The following NINL variants were observed in gnomAD, a reference collection of about 807,000 sequenced individuals.
The protein encoded by NINL is ninein-like protein.
Under a neutral mutation model 160.3 loss-of-function variants are expected in NINL, and 153 were observed. The observed-to-expected ratio is 0.95, with a 90% CI of 0.84 to 1.09. The LOEUF (loss-of-function observed/expected upper bound fraction) is 1.09. Ranked by LOEUF, NINL falls within the 50% of genes least tolerant of loss-of-function variation. The pLI is 0.00. For missense variants in NINL, 1,829 were observed against 1,764.0 expected (o/e 1.04, Z -0.66); for synonymous variants, 800 against 734.8 (o/e 1.09, Z -1.43).
At chr20:25,560,970 C>T (rs2064926521) in intron 1 of NINL, among the ~76,000 whole-genome samples, 1 of 151,688 alleles carries the variant, frequency 6.6e-6, no homozygotes, top group Non-Finnish European at 1.5e-5. Context: ...CTCCCTCTCC[C>T]TCTCCCTCTC....
chr20:25,474,560 T>C (rs1210008945), intron 17 of NINL, among the ~76,000 whole-genome samples: 1 of 152,130 alleles, frequency 6.6e-6, no homozygotes, highest in Non-Finnish European at 1.5e-5. Flanking sequence ...TTTAAGATAC[T>C]TTTCAGATAA....
intron 13 of NINL, among the ~76,000 whole-genome samples, chr20:25,488,223 C>A (rs2063543861): frequency 1.3e-5 from 2 of 152,158 alleles, no homozygotes; most frequent in South Asian, 2.1e-4. Context: ...CTTCCTTGCG[C>A]TCATTCTCTT....
intron 7 of NINL, among the ~76,000 whole-genome samples, chr20:25,503,718 A>G (rs982318301): frequency 6.6e-6 from 1 of 152,174 alleles, no homozygotes; most frequent in African/African-American, 2.4e-5. Context: ...TGGAGAAGGT[A>G]ACTCCCCTAG....
At chr20:25,467,305 T>C (rs1392233495) in intron 19 of NINL, 84 bp downstream of exon 19, 1 of 1,199,412 alleles carries the variant, frequency 8.3e-7, no homozygotes, top group Non-Finnish European at 1.2e-6. Context: ...ATTCTCTACT[T>C]CCTTTTGTAA....
intron 16 of NINL, among the ~76,000 whole-genome samples, chr20:25,478,677 G>A (rs992831960): frequency 6.6e-6 from 1 of 152,178 alleles, no homozygotes; most frequent in Non-Finnish European, 1.5e-5. Flanking sequence ...GAGGCAGAGG[G>A]TACAGAACAC....
intron 1 of NINL, among the ~76,000 whole-genome samples, chr20:25,534,121 A>G (rs1364527051): frequency 6.6e-6 from 1 of 152,156 alleles, no homozygotes; most frequent in Non-Finnish European, 1.5e-5. Context: ...TTCTCACCAG[A>G]CACCTGCACG....
At chr20:25,516,858 ACAGTGCACACACAAGGGCC>A (rs2064169511) in intron 3 of NINL, among the ~76,000 whole-genome samples, 2 of 152,136 alleles carry the variant, frequency 1.3e-5, no homozygotes, top group South Asian at 4.1e-4. Flanking sequence ...GGGTCTGGCA[ACAGTGCACACACAAGGGCC>A]CAGGACTTCA....
intron 3 of NINL, among the ~76,000 whole-genome samples, chr20:25,514,909 G>A (rs542911178): frequency 5.6e-4 from 85 of 152,354 alleles, no homozygotes; most frequent in African/African-American, 2.0e-3. Context: ...GATTTCAGAG[G>A]ATATATGAAG....
intron 3 of NINL, 151 bp from the exon 4 acceptor site, chr20:25,513,157 C>T: frequency 1.4e-6 from 1 of 698,462 alleles, no homozygotes. Flanking sequence ...TCTGGAAAGA[C>T]ACGAGAAACA....
At chr20:25,568,232 C>CAA (rs11483743) in intron 1 of NINL, among the ~76,000 whole-genome samples, 29 of 143,866 alleles carry the variant, frequency 2.0e-4, no homozygotes, top group South Asian at 4.4e-4. Context: ...TGTCAGATCT[C>CAA]AAAAAAAAAA....
chr20:25,484,128 A>AG (rs2063458641), intron 13 of NINL, among the ~76,000 whole-genome samples: 1 of 152,270 alleles, frequency 6.6e-6, no homozygotes, highest in South Asian at 2.1e-4. Flanking sequence ...CAATATACCC[A>AG]GGTAACAAAC....
intron 18 of NINL, among the ~76,000 whole-genome samples, chr20:25,469,776 G>A (rs574791219): frequency 3.0e-4 from 45 of 152,290 alleles, no homozygotes; most frequent in African/African-American, 1.1e-3. Flanking sequence ...CCAAGGAGCT[G>A]GGGCGTTCAG....
chr20:25,564,684 C>G (rs1016419129), intron 1 of NINL, among the ~76,000 whole-genome samples: 1 of 151,516 alleles, frequency 6.6e-6, no homozygotes, highest in African/African-American at 2.4e-5. Flanking sequence ...AACTCCTGAC[C>G]TCAAGTGATC....
At position 25,476,720 on chromosome 20, in the gene NINL, T is replaced by G. The variant is rs2063257220; in HGVS notation, c.2571A>C (p.Pro857=). 1 of 1,601,888 alleles carries G rather than the reference T, an allele frequency of 6.2e-7. No individual in the cohort carries two copies. The highest frequency in any genetic ancestry group is 8.5e-7 in the Non-Finnish European group (1 of 1,177,936). Reference sequence around the variant, plus strand: ...CATCACCTGGGGCCAGCCAGGCCAGTGGCCGCTCCCCACAGCCCGGACGCA... The same window carrying G: ...CATCACCTGGGGCCAGCCAGGCCAGGGGCCGCTCCCCACAGCCCGGACGCA... ...LPLRPGCGER[P]LAWLAPGDGR... is the part of the protein sequence containing the mutation. The change falls in exon 17 of 24, where the codon CCA becomes CCC. Residue 857 remains proline, a synonymous_variant. Coordinates refer to ENST00000278886, the MANE Select transcript of NINL (RefSeq NM_025176.6).
rs1601160562 is a variant in NINL at position 25,500,397 on chromosome 20, C to A, written c.1032+443G>T. 5.9e-5 allele frequency among the ~76,000 whole-genome samples: 9 copies of A among 152,290 alleles called. No individual in the cohort carries two copies. The South Asian group carries it at 1.9e-3, about 32-fold the overall frequency. ...GTGGGAAGGGCCTGGGGTAAGTGGG[C>A]GCCATGGGGGAGAACAGCTCAACCA... is the stretch of plus-strand genomic sequence containing the variant. On this transcript the variant is annotated intron_variant, in intron 8 of 23. Coordinates refer to ENST00000278886, the MANE Select transcript of NINL (RefSeq NM_025176.6).
In NINL at chr20:25,498,310, G is replaced by GA. The variant is rs753475737; in HGVS notation, c.1068dup (p.Leu357SerfsTer8). ...TTGTCAAGGGCCCAGGTCAGCTCCA[G>GA]AAGGTTCACCTTCTCGTCCACGCTG... On this transcript the variant is annotated frameshift_variant, in exon 9 of 24. Transcript: ENST00000278886. LOFTEE classifies it high-confidence loss of function. The GA allele has an allele frequency of 1.2e-6, 2 of 1,613,286 alleles. No individual in the cohort carries two copies. The highest frequency in any genetic ancestry group is 2.2e-5 in the South Asian group (2 of 91,046).
At chr20:25,459,866 C>T (rs2090795588) in intron 21 of NINL, among the ~76,000 whole-genome samples, 1 of 152,168 alleles carries the variant, frequency 6.6e-6, no homozygotes, top group Non-Finnish European at 1.5e-5. Context: ...CATCTACAGA[C>T]CTTGACAGTC....
chr20:25,579,991 C>G (rs1339422462), intron 1 of NINL, among the ~76,000 whole-genome samples: 1 of 151,704 alleles, frequency 6.6e-6, no homozygotes, highest in Non-Finnish European at 1.5e-5. Flanking sequence ...TCCAACAAAC[C>G]AAAATTGTTA....
At chr20:25,556,814 T>C (rs1159964204) in intron 1 of NINL, among the ~76,000 whole-genome samples, 1 of 152,030 alleles carries the variant, frequency 6.6e-6, no homozygotes, top group Non-Finnish European at 1.5e-5. Flanking sequence ...GATACATATA[T>C]AAGGGCCAAT....
Sources: allele counts gnomAD v4.1 joint callset (sites outside exome capture counted in the v4.1 genomes callset), GRCh38; gene constraint gnomAD v4.1.1; transcripts MANE v1.5; gene names NCBI Gene and HGNC (gene_info 2026-07-23, HGNC 2026-07-21).